The following TFEB variants were observed in gnomAD, a reference collection of about 807,000 sequenced individuals.
TFEB encodes T-cell transcription factor EB.
A neutral mutation model predicts 48.0 loss-of-function variants in TFEB; 12 were observed. The observed-to-expected ratio is 0.25, with a 90% CI of 0.16 to 0.40. TFEB has a LOEUF of 0.40. Ranked by LOEUF, TFEB falls within the 10% of genes least tolerant of loss-of-function variation. TFEB has a pLI of 1.00. For synonymous variants in TFEB, 244 were observed against 261.4 expected, an observed-to-expected ratio of 0.93 and a Z score of 0.64; for missense variants, 509 against 640.3, an observed-to-expected ratio of 0.79 and a Z score of 2.21.
rs140484541 is a variant in TFEB, at chr6:41,689,149, A to G, written c.549+582T>C. ...AGGGATTTCCTAAGGTCACAGCAAA[A>G]GCCAGAAGCCAGGCTTCTTGACTCC... On this transcript the variant is annotated intron_variant, in intron 4 of 8. Transcript: ENST00000373033. Among the ~76,000 whole-genome samples, 928 of 152,298 alleles carry G rather than the reference A, an allele frequency of 6.1e-3. 8 individuals are homozygous for G. Among genetic ancestry groups the G allele is most frequent in the African/African-American group, 0.022 (900 of 41,562 alleles).
At chr6:41,714,176 T>TGTGTGCATGTGTGTGC (rs1770623121) in intron 1 of TFEB, among the ~76,000 whole-genome samples, 1 of 98,522 alleles carries the variant, frequency 1.0e-5, no homozygotes, top group Non-Finnish European at 2.0e-5. Flanking sequence ...CATGTGTGCG[T>TGTGTGCATGTGTGTGC]GTGTGTGCAT....
rs771255883 is a variant in TFEB, at chr6:41,687,757, G to A, written c.723C>T (p.Asn241=). The part of the protein sequence containing the change: ...AKERQKKDNH[N]LIERRRRFNI... ...GAGGGGCGGGGCAGGACTCACTTAA[G>A]TTGTGATTGTCTTTCTTCTGCCGCT... Residue 241 remains asparagine, a synonymous_variant, in exon 6 of 9, where the codon AAC becomes AAT. Transcript: ENST00000373033. The A allele has an allele frequency of 5.6e-6, 9 of 1,614,022 alleles. No individual in the cohort carries two copies. In the African/African-American group the frequency reaches 8.0e-5, roughly 14 times the overall value.
intron 4 of TFEB, 40 bp from the exon 5 acceptor site, chr6:41,688,068 C>T (rs1369772577): frequency 6.3e-7 from 1 of 1,585,476 alleles, no homozygotes; most frequent in East Asian, 2.3e-5. Context: ...GAGTATCCCC[C>T]TCTCCACGGG....
Position 41,686,029 on chromosome 6 carries a change from T to TAGGGCCAGGAGCCAGGTTA in TFEB, c.951+42_951+60dup, listed in dbSNP as rs1161663563. On this transcript the variant is annotated intron_variant, in intron 8 of 8. Coordinates refer to ENST00000373033, the MANE Select transcript of TFEB (RefSeq NM_001271944.2). ...CTTCAGAAGTACAAGTACTGCCCCTTAGGGCCAGGAGCCAGGTTAAGGGTC... is the reference window on the plus strand; with the variant it reads ...CTTCAGAAGTACAAGTACTGCCCCTTAGGGCCAGGAGCCAGGTTAAGGGCCAGGAGCCAGGTTAAGGGTC... The TAGGGCCAGGAGCCAGGTTA allele has an allele frequency of 1.6e-5, 26 of 1,608,454 alleles. No homozygotes were observed. The South Asian group carries it at 2.6e-4, about 16-fold the overall frequency.
intron 1 of TFEB, among the ~76,000 whole-genome samples, chr6:41,697,325 T>C (rs928035649): frequency 1.4e-5 from 2 of 142,630 alleles, no homozygotes; most frequent in Non-Finnish European, 3.0e-5. Context: ...GGAGAATTGC[T>C]TGAACCCGGG....
chr6:41,686,427 C>T, intron 7 of TFEB, 190 bp from the exon 8 acceptor site: 2 of 601,270 alleles, frequency 3.3e-6, no homozygotes, highest in Non-Finnish European at 2.8e-6. Context: ...TGCCACTGCC[C>T]ACTTCATTAA....
In TFEB at chr6:41,684,632, G is replaced by A. The variant is rs761759778; in HGVS notation, c.1398C>T (p.Ser466=). ...PEASKASSRR[S]SFSMEEGDVL is the part of the protein sequence containing the mutation. ...CATCGCCCTCCTCCATGCTGAAGCTGCTCCGGCGGCTGCTGGCCTTGGAGG... is the reference window on the plus strand; with the variant it reads ...CATCGCCCTCCTCCATGCTGAAGCTACTCCGGCGGCTGCTGGCCTTGGAGG... The change falls in exon 9 of 9, where the codon AGC becomes AGT. Residue 466 remains serine, a synonymous_variant. Transcript: ENST00000373033. 4.4e-6 allele frequency: 7 copies of A among 1,605,042 alleles called. No homozygotes were observed. In the Admixed American group the frequency reaches 8.5e-5, roughly 19 times the overall value.
chr6:41,706,362 G>A (rs78470916), intron 1 of TFEB, among the ~76,000 whole-genome samples: 1 of 152,096 alleles, frequency 6.6e-6, no homozygotes, highest in African/African-American at 2.4e-5. Context: ...TTCTGCTTTC[G>A]ATCTGAGTCA....
chr6:41,717,541 G>A (rs1463498029), intron 1 of TFEB, among the ~76,000 whole-genome samples: 1 of 152,190 alleles, frequency 6.6e-6, no homozygotes, highest in Non-Finnish European at 1.5e-5. Context: ...TAACTTGCTA[G>A]GGGCCCTGCA....
rs779764480 is a variant in TFEB, at chr6:41,723,415, A to T, written c.-23+11935T>A. ...TGGACACACATTCACACACATGCTCACACACATGCACACACTCACACACAT... is the reference window on the plus strand; with the variant it reads ...TGGACACACATTCACACACATGCTCTCACACATGCACACACTCACACACAT... On this transcript the variant is annotated intron_variant, in intron 1 of 8. Coordinates refer to ENST00000373033, the MANE Select transcript of TFEB (RefSeq NM_001271944.2). The surrounding 1 kb of genome is among the most constrained non-coding windows in gnomAD (Gnocchi z 6.0). 8.8e-7 allele frequency: 1 copy of T among 1,142,110 alleles called. No individual in the cohort carries two copies. The highest frequency in any genetic ancestry group is 1.3e-5 in the South Asian group (1 of 78,114). 70.7% of individuals were successfully genotyped at this position (1,142,110 alleles called of 1,614,324 possible). A position where few individuals can be genotyped will look rare whatever the true frequency, so the allele number is the denominator to read the frequency against.
intron 4 of TFEB, among the ~76,000 whole-genome samples, chr6:41,689,016 A>G (rs979535984): frequency 1.3e-5 from 2 of 152,232 alleles, no homozygotes; most frequent in African/African-American, 4.8e-5. Flanking sequence ...CCACCTTTGT[A>G]GAGAGCTTGC....
chr6:41,735,371 T>C lies in TFEB; in HGVS notation c.-44A>G. Reference sequence around the variant, plus strand: ...TCACCTCGCTCTGAAGGTCAATCTGTCCGCCGCCCGCGCCCCGCGGCTCCG... The same window carrying C: ...TCACCTCGCTCTGAAGGTCAATCTGCCCGCCGCCCGCGCCCCGCGGCTCCG... On this transcript the variant is annotated 5_prime_UTR_variant, in exon 1 of 9. Transcript: ENST00000373033. 1 of 985,302 alleles carries C rather than the reference T, an allele frequency of 1.0e-6. No homozygotes were observed. The highest frequency in any genetic ancestry group is 1.2e-6 in the Non-Finnish European group (1 of 830,312). The allele number at this position is 985,302 out of a possible 1,614,324, so 61.0% of individuals were successfully genotyped here. A position where few individuals can be genotyped will look rare whatever the true frequency, so the allele number is the denominator to read the frequency against.
intron 1 of TFEB, among the ~76,000 whole-genome samples, chr6:41,700,302 T>C (rs1312388098): frequency 8.6e-5 from 13 of 151,906 alleles, no homozygotes; most frequent in African/African-American, 3.1e-4. Context: ...CCGTCTCTAC[T>C]AAAAATACAA....
In TFEB at chr6:41,723,991, C is replaced by G. The variant is rs1771102065; in HGVS notation, c.-23+11359G>C. 1 of 494,448 alleles carries G rather than the reference C, an allele frequency of 2.0e-6. No homozygotes were observed. The highest frequency in any genetic ancestry group is 1.5e-5 in the South Asian group (1 of 67,610). 30.6% of individuals were successfully genotyped at this position (494,448 alleles called of 1,614,324 possible). ...CACAGCTCACCATCTTCCTGACTGG[C>G]CATACACCTGCAGTCTTGGCCTTGG... On this transcript the variant is annotated intron_variant, in intron 1 of 8. Coordinates refer to ENST00000373033, the MANE Select transcript of TFEB (RefSeq NM_001271944.2). The surrounding 1 kb of genome is among the most constrained non-coding windows in gnomAD (Gnocchi z 6.0).
chr6:41,700,868 C>A (rs1769882309), intron 1 of TFEB, among the ~76,000 whole-genome samples: 1 of 152,166 alleles, frequency 6.6e-6, no homozygotes. Context: ...AGACTGTTGG[C>A]CCGGGACAAC....
At chr6:41,690,290 C>A (rs961172374) in intron 3 of TFEB, among the ~76,000 whole-genome samples, 3 of 152,140 alleles carry the variant, frequency 2.0e-5, no homozygotes, top group African/African-American at 7.2e-5. Flanking sequence ...ACCACCACGC[C>A]CAGCTAATTT....
rs753858091 is a variant in TFEB at position 41,686,266 on chromosome 6, GT to G, written c.804-30del. Reference sequence around the variant, plus strand: ...CAGCAGCAGGCCAGGCAAATTAGAGGTGCATGCTCAGAAGAGTGGCCAAATC... The same window carrying G: ...CAGCAGCAGGCCAGGCAAATTAGAGGGCATGCTCAGAAGAGTGGCCAAATC... On this transcript the variant is annotated intron_variant, in intron 7 of 8. Transcript: ENST00000373033. 31 of 1,612,418 alleles carry G rather than the reference GT, an allele frequency of 1.9e-5. 1 individual carries two copies. The South Asian group carries it at 3.2e-4, about 17-fold the overall frequency.
intron 1 of TFEB, chr6:41,705,796 TG>T (rs1394043465): frequency 1.3e-5 from 2 of 152,258 alleles, no homozygotes; most frequent in Non-Finnish European, 2.9e-5. Context: ...AGGGTCAGTC[TG>T]GTCGCAGCAG....
rs368487486 is a variant in TFEB at position 41,718,599 on chromosome 6, GA to G, written c.-23+16750del. 6.5e-3 allele frequency among the ~76,000 whole-genome samples: 991 copies of G among 151,742 alleles called. 11 individuals carry two copies. The highest frequency in any genetic ancestry group is 0.023 in the African/African-American group (936 of 41,362). On this transcript the variant is annotated intron_variant, in intron 1 of 8. Coordinates refer to ENST00000373033, the MANE Select transcript of TFEB (RefSeq NM_001271944.2). ...ACCATGCCGTACAATACATCTCAAG[GA>G]AAAAACTTATGCCCCCTGTTTGAGG...
Sources: gnomAD v4.1 joint callset for allele counts (sites outside exome capture counted in the v4.1 genomes callset) on GRCh38, gnomAD v4.1.1 for gene constraint, Gnocchi (gnomAD v3.1) non-coding constraint, MANE v1.5 for transcripts, NCBI Gene and HGNC (gene_info 2026-07-23, HGNC 2026-07-21) for gene names.